MAP3K5: variants seen among roughly 807,000 people sequenced by gnomAD.
The protein encoded by MAP3K5 is ASK-1.
In MAP3K5, 56 loss-of-function variants were observed where a neutral mutation model predicts 158.7. That is an observed-to-expected ratio of 0.35 (90% CI 0.28 to 0.44). MAP3K5 has a LOEUF of 0.44. Ranked by LOEUF, MAP3K5 falls within the 20% of genes least tolerant of loss-of-function variation. MAP3K5 has a pLI of 1.00. For synonymous variants in MAP3K5, 579 were observed against 601.7 expected (o/e 0.96, Z 0.55); for missense variants, 1,294 against 1,674.8 (o/e 0.77, Z 3.97).
intron 6 of MAP3K5, 82 bp from the exon 7 acceptor site, chr6:136,694,392 T>C: frequency 1.8e-6 from 2 of 1,124,148 alleles, no homozygotes; most frequent in South Asian, 1.6e-5. Context: ...CTATTTAACA[T>C]GTTGATTCAT....
chr6:136,644,673 G>A (rs538349205), intron 11 of MAP3K5, among the ~76,000 whole-genome samples: 1 of 152,306 alleles, frequency 6.6e-6, no homozygotes, highest in Non-Finnish European at 1.5e-5. Context: ...ATTTTGCCCA[G>A]GTTCAGGTGG....
At chr6:136,758,075 C>A (rs1014891623) in intron 1 of MAP3K5, among the ~76,000 whole-genome samples, 1 of 152,120 alleles carries the variant, frequency 6.6e-6, no homozygotes, top group East Asian at 1.9e-4. Flanking sequence ...ACAACTTTTG[C>A]TAAAATATTG....
intron 15 of MAP3K5, among the ~76,000 whole-genome samples, chr6:136,619,782 A>C (rs1334265857): frequency 2.0e-5 from 3 of 152,216 alleles, no homozygotes; most frequent in Non-Finnish European, 4.4e-5. Flanking sequence ...GATCAGAAAG[A>C]GTAGAGAGAT....
intron 1 of MAP3K5, among the ~76,000 whole-genome samples, chr6:136,735,093 G>A (rs1782398731): frequency 6.6e-6 from 1 of 152,178 alleles, no homozygotes; most frequent in Non-Finnish European, 1.5e-5. Context: ...AAATGGCTAT[G>A]GTAGTTTAAC....
chr6:136,768,437 T>TGG (rs1277995042), intron 1 of MAP3K5, among the ~76,000 whole-genome samples: 3 of 152,092 alleles, frequency 2.0e-5, no homozygotes, highest in African/African-American at 7.2e-5. Flanking sequence ...AACAAACACA[T>TGG]GAACAGAGGT....
intron 29 of MAP3K5, among the ~76,000 whole-genome samples, chr6:136,558,107 G>A (rs1045257097): frequency 2.6e-5 from 4 of 152,194 alleles, no homozygotes; most frequent in Non-Finnish European, 5.9e-5. Flanking sequence ...GGCTGGGCGC[G>A]GTGGCGCATG....
chr6:136,675,824 C>T (rs1779680740), intron 7 of MAP3K5, among the ~76,000 whole-genome samples: 1 of 151,902 alleles, frequency 6.6e-6, no homozygotes, highest in African/African-American at 2.4e-5. Context: ...AAATGTGGTT[C>T]TTTACAAAAA....
At chr6:136,560,196 A>C (rs541548636) in intron 28 of MAP3K5, among the ~76,000 whole-genome samples, 4 of 152,306 alleles carry the variant, frequency 2.6e-5, no homozygotes, top group Admixed American at 2.6e-4. Context: ...AAAAGTCTAT[A>C]GGGGCTGGGC....
intron 15 of MAP3K5, among the ~76,000 whole-genome samples, chr6:136,619,028 G>A (rs1776689923): frequency 6.6e-6 from 1 of 152,196 alleles, no homozygotes; most frequent in Non-Finnish European, 1.5e-5. Flanking sequence ...GCAGTTCTGG[G>A]AAGCTCTGTT....
chr6:136,612,245 G>A (rs1332714561), intron 17 of MAP3K5, among the ~76,000 whole-genome samples: 1 of 152,140 alleles, frequency 6.6e-6, no homozygotes, highest in Non-Finnish European at 1.5e-5. Context: ...TTTCTCAATT[G>A]CAATTCTTAC....
intron 1 of MAP3K5, among the ~76,000 whole-genome samples, chr6:136,771,261 C>T: frequency 6.6e-6 from 1 of 152,146 alleles, no homozygotes. Context: ...ACTTACTACA[C>T]TAATCTCATT....
chr6:136,713,928 TG>T (rs1781417166), intron 2 of MAP3K5, among the ~76,000 whole-genome samples: 1 of 152,238 alleles, frequency 6.6e-6, no homozygotes, highest in Non-Finnish European at 1.5e-5. Context: ...TTTCCAAGGA[TG>T]TTTTTAAAAA....
intron 8 of MAP3K5, among the ~76,000 whole-genome samples, chr6:136,668,111 G>A (rs903297214): frequency 1.3e-5 from 2 of 151,608 alleles, no homozygotes; most frequent in South Asian, 2.1e-4. Context: ...GGCCCGGTGC[G>A]GTGGCTCACA....
rs369618705 is a variant in MAP3K5 at position 136,784,478 on chromosome 6, G to A, written c.448+7232C>T. ...GCAGCTGCTACAATGGTGTGCCAGGGAACGTGAACAGCTCAGAGAAAAACC... is the reference window on the plus strand; with the variant it reads ...GCAGCTGCTACAATGGTGTGCCAGGAAACGTGAACAGCTCAGAGAAAAACC... On this transcript the variant is annotated intron_variant, in intron 1 of 29. Coordinates refer to ENST00000359015, the MANE Select transcript of MAP3K5 (RefSeq NM_005923.4). 1.8e-4 allele frequency among the ~76,000 whole-genome samples: 28 copies of A among 152,318 alleles called. 1 individual carries two copies. The East Asian group carries it at 3.1e-3, about 17-fold the overall frequency.
intron 7 of MAP3K5, among the ~76,000 whole-genome samples, chr6:136,670,792 C>G (rs191813628): frequency 6.6e-6 from 1 of 152,082 alleles, no homozygotes; most frequent in African/African-American, 2.4e-5. Flanking sequence ...GCAAAAATAA[C>G]TATGAATCTT....
intron 8 of MAP3K5, among the ~76,000 whole-genome samples, chr6:136,668,734 G>A (rs965708959): frequency 2.6e-5 from 4 of 152,148 alleles, no homozygotes; most frequent in African/African-American, 9.7e-5. Context: ...AGGGACAAAA[G>A]CACATTCTGT....
At chr6:136,642,615 T>C (rs781309643) in intron 11 of MAP3K5, 46 bp from the exon 12 acceptor site, 4 of 1,250,950 alleles carry the variant, frequency 3.2e-6, no homozygotes, top group African/African-American at 3.0e-5. Context: ...AAATGGAAAA[T>C]AACATAACAA....
intron 12 of MAP3K5, among the ~76,000 whole-genome samples, chr6:136,640,962 A>G (rs1217944709): frequency 6.6e-6 from 1 of 152,254 alleles, no homozygotes. Flanking sequence ...TGTATAAGTC[A>G]TAAATCACAA....
intron 7 of MAP3K5, among the ~76,000 whole-genome samples, chr6:136,683,640 A>G (rs1780027455): frequency 6.6e-6 from 1 of 152,214 alleles, no homozygotes; most frequent in African/African-American, 2.4e-5. Flanking sequence ...GCAAGTGTTA[A>G]TTTTTTTTAA....
Sources: gnomAD v4.1 joint callset for allele counts (sites outside exome capture counted in the v4.1 genomes callset) on GRCh38, gnomAD v4.1.1 for gene constraint, MANE v1.5 for transcripts, NCBI Gene and HGNC (gene_info 2026-07-23, HGNC 2026-07-21) for gene names.